SNTB1: variants seen among roughly 807,000 people sequenced by gnomAD.
SNTB1 encodes beta-1-syntrophin.
A neutral mutation model predicts 48.9 loss-of-function variants in SNTB1; 36 were observed. The ratio of observed to expected loss-of-function variants is 0.74; its 90% CI spans 0.56 to 0.97. The LOEUF is 0.97. Ranked by LOEUF, SNTB1 falls within the 50% of genes least tolerant of loss-of-function variation. The pLI is 0.00. For missense variants in SNTB1, 786 were observed against 703.4 expected (o/e 1.12, Z -1.33); for synonymous variants, 299 against 294.6 (o/e 1.01, Z -0.15).
At chr8:120,705,559 G>A (rs1587103015) in intron 1 of SNTB1, among the ~76,000 whole-genome samples, 1 of 152,154 alleles carries the variant, frequency 6.6e-6, no homozygotes, top group Admixed American at 6.5e-5. Flanking sequence ...TGCTAGTGAC[G>A]TTTCAAGCAG....
At chr8:120,713,566 C>T (rs910806724) in intron 1 of SNTB1, among the ~76,000 whole-genome samples, 12 of 152,124 alleles carry the variant, frequency 7.9e-5, no homozygotes, top group African/African-American at 2.9e-4. Context: ...CCCATCTCTA[C>T]TAAAAATACA....
At chr8:120,569,878 G>A (rs570090912) in intron 4 of SNTB1, among the ~76,000 whole-genome samples, 194 of 152,306 alleles carry the variant, frequency 1.3e-3, no homozygotes, top group African/African-American at 4.4e-3. Context: ...ACCATGCTAA[G>A]CAGTCTAGCT....
Position 120,536,697 on chromosome 8 carries a change from A to T in SNTB1, c.*2180T>A. The T allele has an allele frequency of 1.3e-5, 2 of 152,228 alleles. No individual in the cohort carries two copies. The highest frequency in any genetic ancestry group is 3.4e-3 in the Middle Eastern group (1 of 294). 9.4% of individuals were successfully genotyped at this position (152,228 alleles called of 1,614,324 possible). On this transcript the variant is annotated 3_prime_UTR_variant, in exon 7 of 7. Coordinates refer to ENST00000517992, the MANE Select transcript of SNTB1 (RefSeq NM_021021.4). The stretch of plus-strand genomic sequence containing the variant: ...TCCTAAAATATAAATAATTAAATTA[A>T]ATGTTTATAAATGTAGAGAATGTAG...
intron 2 of SNTB1, among the ~76,000 whole-genome samples, chr8:120,670,682 A>T (rs949748100): frequency 7.2e-5 from 11 of 152,236 alleles, no homozygotes; most frequent in African/African-American, 2.7e-4. Context: ...AGATCTTTAA[A>T]TGAATCCTAT....
intron 1 of SNTB1, chr8:120,776,583 T>C (rs772520585): frequency 6.6e-6 from 1 of 152,214 alleles, no homozygotes; most frequent in African/African-American, 2.4e-5. Flanking sequence ...TGTAAATGCT[T>C]GTATTTTGCA....
At chr8:120,622,453 T>C (rs1429263940) in intron 3 of SNTB1, among the ~76,000 whole-genome samples, 1 of 152,210 alleles carries the variant, frequency 6.6e-6, no homozygotes, top group Non-Finnish European at 1.5e-5. Flanking sequence ...TGTGTTCATT[T>C]GCATTGCATA....
Position 120,674,604 on chromosome 8 carries a change from C to T in SNTB1, c.788+19088G>A, listed in dbSNP as rs116347303. 8.1e-3 allele frequency among the ~76,000 whole-genome samples: 1,239 copies of T among 152,228 alleles called. 15 individuals are homozygous for T. The highest frequency in any genetic ancestry group is 0.028 in the African/African-American group (1,167 of 41,550). On this transcript the variant is annotated intron_variant, in intron 2 of 6. Coordinates refer to ENST00000517992, the MANE Select transcript of SNTB1 (RefSeq NM_021021.4). The stretch of plus-strand genomic sequence containing the variant: ...TGATGGGGCAAGGACGTCTTCAATG[C>T]GGTTTGTTTTTTTTCCTTACATTCT...
chr8:120,735,085 G>A lies in SNTB1; in HGVS notation c.572-41177C>T, dbSNP rs1267905262. ...CTGTACATTTTGTGTCTTATGAAAA[G>A]TGTCATTGCTCTGGTGCAAGAGGGC... On this transcript the variant is annotated intron_variant, in intron 1 of 6. Coordinates refer to ENST00000517992, the MANE Select transcript of SNTB1 (RefSeq NM_021021.4). Among the ~76,000 whole-genome samples, 3 of 152,206 alleles carry A rather than the reference G, an allele frequency of 2.0e-5. 1 individual carries two copies. In the South Asian group the frequency reaches 6.2e-4, roughly 31 times the overall value.
intron 1 of SNTB1, among the ~76,000 whole-genome samples, chr8:120,791,093 T>C (rs1371070375): frequency 6.6e-6 from 1 of 151,792 alleles, no homozygotes; most frequent in Non-Finnish European, 1.5e-5. Context: ...AACAGCATGG[T>C]GCTGGTATGA....
At chr8:120,793,274 C>T (rs192411435) in intron 1 of SNTB1, among the ~76,000 whole-genome samples, 1 of 152,144 alleles carries the variant, frequency 6.6e-6, no homozygotes, top group East Asian at 1.9e-4. Flanking sequence ...CAAAGAACAA[C>T]ATTGCACCCT....
At chr8:120,658,560 T>C (rs1261575177) in intron 2 of SNTB1, among the ~76,000 whole-genome samples, 1 of 152,246 alleles carries the variant, frequency 6.6e-6, no homozygotes, top group Non-Finnish European at 1.5e-5. Context: ...GTAAGAGTTA[T>C]GTTTATATCA....
At chr8:120,585,049 A>G (rs1044402765) in intron 3 of SNTB1, among the ~76,000 whole-genome samples, 1 of 152,120 alleles carries the variant, frequency 6.6e-6, no homozygotes, top group African/African-American at 2.4e-5. Flanking sequence ...CTGTGAGACT[A>G]TACATTTCTG....
rs564562033 is a variant in SNTB1 at position 120,660,836 on chromosome 8, C to G, written c.789-28185G>C. The stretch of plus-strand genomic sequence containing the variant: ...ACTTAGAAACCTTCAAAGAGGTATT[C>G]ACTGGCCTAATTTCAAGATTGTTAT... On this transcript the variant is annotated intron_variant, in intron 2 of 6. Coordinates refer to ENST00000517992, the MANE Select transcript of SNTB1 (RefSeq NM_021021.4). 7.9e-5 allele frequency among the ~76,000 whole-genome samples: 12 copies of G among 152,264 alleles called. No homozygotes were observed. The South Asian group carries it at 2.5e-3, about 32-fold the overall frequency.
chr8:120,705,045 C>A, intron 1 of SNTB1, among the ~76,000 whole-genome samples: 1 of 152,196 alleles, frequency 6.6e-6, no homozygotes, highest in Non-Finnish European at 1.5e-5. Flanking sequence ...CCTCGATCAG[C>A]CTATACCTGA....
At chr8:120,571,309 T>C (rs779000790) in intron 4 of SNTB1, 3 of 1,288,280 alleles carry the variant, frequency 2.3e-6, no homozygotes, top group South Asian at 1.2e-5. Context: ...TAATCTTTCT[T>C]TGGTTTCTGT....
chr8:120,680,420 G>A (rs1817912353), intron 2 of SNTB1, among the ~76,000 whole-genome samples: 1 of 152,174 alleles, frequency 6.6e-6, no homozygotes, highest in South Asian at 2.1e-4. Flanking sequence ...CACTAGCAAT[G>A]TCAAAATTCC....
intron 3 of SNTB1, among the ~76,000 whole-genome samples, chr8:120,589,260 G>A (rs755040453): frequency 3.3e-5 from 5 of 152,106 alleles, no homozygotes; most frequent in African/African-American, 9.7e-5. Context: ...ATAAATGCTC[G>A]CTGAGATCGG....
At chr8:120,667,261 C>A (rs1321920878) in intron 2 of SNTB1, among the ~76,000 whole-genome samples, 1 of 152,170 alleles carries the variant, frequency 6.6e-6, no homozygotes, top group East Asian at 1.9e-4. Context: ...GCTGGTACTA[C>A]AGCTGGCTCT....
intron 4 of SNTB1, among the ~76,000 whole-genome samples, chr8:120,566,847 T>C (rs7845125): frequency 0.2 from 29,724 of 152,036 alleles, 2,979 homozygotes; most frequent in Middle Eastern, 0.3. Context: ...TGTCCTCACT[T>C]TGCATGATTA....
Sources: allele counts gnomAD v4.1 joint callset (sites outside exome capture counted in the v4.1 genomes callset), GRCh38; gene constraint gnomAD v4.1.1; transcripts MANE v1.5; gene names NCBI Gene and HGNC (gene_info 2026-07-23, HGNC 2026-07-21).